CCNL2: variants seen among roughly 807,000 people sequenced by gnomAD.
CCNL2 encodes the protein cyclin-L2.
In CCNL2, 28 loss-of-function variants were observed where a neutral mutation model predicts 59.1. That is an observed-to-expected ratio of 0.47 (90% CI 0.35 to 0.65). The LOEUF (loss-of-function observed/expected upper bound fraction) is 0.65. CCNL2 is among the 30% of genes least tolerant of loss of function. The pLI is 0.00. For synonymous variants in CCNL2, 342 were observed against 288.6 expected, an observed-to-expected ratio of 1.19 and a Z score of -1.88; for missense variants, 714 against 717.4, an observed-to-expected ratio of 1.00 and a Z score of 0.05.
At chr1:1,388,578 T>G in intron 8 of CCNL2, 1 of 430,860 alleles carries the variant, frequency 2.3e-6, no homozygotes, top group African/African-American at 2.2e-5. Context: ...TCTCTCTCTC[T>G]CTCTCTATAT....
chr1:1,387,946 G>T lies in CCNL2; in HGVS notation c.1118+8C>A. 6.2e-7 allele frequency: 1 copy of T among 1,613,380 alleles called. No homozygotes were observed. On this transcript the variant is annotated splice_region_variant and intron_variant, in intron 9 of 10. Coordinates refer to ENST00000400809, the MANE Select transcript of CCNL2 (RefSeq NM_030937.6). The stretch of plus-strand genomic sequence containing the variant: ...CTGACAGCCACCTGGGCAGCCCTGG[G>T]GTCCTACCCGTTCACGGGGCTGTCC...
intron 3 of CCNL2, among the ~76,000 whole-genome samples, chr1:1,397,828 G>C (rs1013154424): frequency 6.6e-6 from 1 of 152,106 alleles, no homozygotes; most frequent in Non-Finnish European, 1.5e-5. Context: ...TCATACCACC[G>C]CACTCTGCCC....
rs771577073 is a variant in CCNL2 at position 1,387,596 on chromosome 1, C to G, written c.1212-14G>C. The G allele has an allele frequency of 3.4e-6, 5 of 1,473,936 alleles. No homozygotes were observed. Among genetic ancestry groups the G allele is most frequent in the South Asian group, 2.8e-5 (2 of 72,104 alleles). The allele number at this position is 1,473,936 out of a possible 1,614,324, so 91.3% of individuals were successfully genotyped here. On this transcript the variant is annotated splice_polypyrimidine_tract_variant and intron_variant, in intron 10 of 10. Coordinates refer to ENST00000400809, the MANE Select transcript of CCNL2 (RefSeq NM_030937.6). Reference sequence around the variant, plus strand: ...CTGTCACTTTTCCTGGGAGGAAGAACAGCACCACCACACGTGTGACCATCT... The same window carrying G: ...CTGTCACTTTTCCTGGGAGGAAGAAGAGCACCACCACACGTGTGACCATCT...
At position 1,387,293 on chromosome 1, in the gene CCNL2, A is replaced by T; in HGVS notation, c.1501T>A (p.Tyr501Asn). 3 of 1,613,260 alleles carry T rather than the reference A, an allele frequency of 1.9e-6. No individual in the cohort carries two copies. The highest frequency in any genetic ancestry group is 2.5e-6 in the Non-Finnish European group (3 of 1,180,016). The change falls in exon 11 of 11, where the codon TAT becomes AAT. Residue 501 changes from tyrosine (Y) to asparagine (N), a missense_variant. Tyr to Asn is a moderately radical substitution (Grantham distance 143). Around this residue, in one of 5 missense-constraint regions of CCNL2, gnomAD observed 403 missense variants for 377.7 expected, o/e 1.07. Coordinates refer to ENST00000400809, the MANE Select transcript of CCNL2 (RefSeq NM_030937.6). ...TCATAGCGACGGCCTGTGCGTTCAT[A>T]CGACCTCGAGCGCTCTCGTCGCTGA... is the stretch of plus-strand genomic sequence containing the variant. ...RDQRRERSRS[Y>N]ERTGRRYERD...
At position 1,390,802 on chromosome 1, in the gene CCNL2, G is replaced by A. The variant is rs770445491; in HGVS notation, c.723C>T (p.Ala241=). The change falls in exon 6 of 11, where the codon GCC becomes GCT. Residue 241 remains alanine, a synonymous_variant. Transcript: ENST00000400809. The part of the protein sequence containing the change: ...VFVRFQPESI[A]CACIYLAART... ...GGGCAGCAAGATAAATGCAGGCACAGGCGATGCTCTCTGGCTGGAACCGCA... is the reference window on the plus strand; with the variant it reads ...GGGCAGCAAGATAAATGCAGGCACAAGCGATGCTCTCTGGCTGGAACCGCA... The A allele has an allele frequency of 8.1e-6, 13 of 1,614,076 alleles. No homozygotes were observed. The South Asian group carries it at 1.4e-4, about 18-fold the overall frequency.
intron 5 of CCNL2, chr1:1,391,539 C>A: frequency 7.7e-7 from 1 of 1,305,134 alleles, no homozygotes; most frequent in Non-Finnish European, 1.0e-6. Flanking sequence ...TCGGGCTCAT[C>A]AGAGCCGCTG....
At position 1,393,507 on chromosome 1, in the gene CCNL2, C is replaced by G. The variant is rs372522482; in HGVS notation, c.595-47G>C. 78 of 1,529,346 alleles carry G rather than the reference C, an allele frequency of 5.1e-5. No individual in the cohort carries two copies. In the African/African-American group the frequency reaches 9.0e-4, roughly 18 times the overall value. The allele number at this position is 1,529,346 out of a possible 1,614,324, so 94.7% of individuals were successfully genotyped here. A position where few individuals can be genotyped will look rare whatever the true frequency, so the allele number is the denominator to read the frequency against. On this transcript the variant is annotated intron_variant, in intron 4 of 10. Coordinates refer to ENST00000400809, the MANE Select transcript of CCNL2 (RefSeq NM_030937.6). Reference sequence around the variant, plus strand: ...GTTATTACCAAGAACCTTAAGAGCCCAGAATTCAGATCTTGTGGGTGTCCA... The same window carrying G: ...GTTATTACCAAGAACCTTAAGAGCCGAGAATTCAGATCTTGTGGGTGTCCA...
chr1:1,388,644 G>A (rs898371449), intron 8 of CCNL2: 12 of 415,548 alleles, frequency 2.9e-5, no homozygotes, highest in African/African-American at 1.9e-4. Context: ...GGTGGTGGGC[G>A]CCTGCAATCC....
intron 5 of CCNL2, chr1:1,392,867 A>C: frequency 6.5e-7 from 1 of 1,538,722 alleles, no homozygotes; most frequent in South Asian, 1.1e-5. Flanking sequence ...ATGTCATAGC[A>C]CCAGACAATT....
At chr1:1,390,402 C>A in intron 7 of CCNL2, 31 bp from the exon 8 acceptor site, 3 of 1,611,388 alleles carry the variant, frequency 1.9e-6, no homozygotes, top group Non-Finnish European at 2.5e-6. Context: ...CCGTTCAGAA[C>A]CAGGTGTTTC....
At position 1,387,198 on chromosome 1, in the gene CCNL2, G is replaced by C. The variant is rs577309284; in HGVS notation, c.*33C>G. 3 of 1,562,050 alleles carry C rather than the reference G, an allele frequency of 1.9e-6. No homozygotes were observed. The highest frequency in any genetic ancestry group is 2.6e-6 in the Non-Finnish European group (3 of 1,151,400). On this transcript the variant is annotated 3_prime_UTR_variant, in exon 11 of 11. Coordinates refer to ENST00000400809, the MANE Select transcript of CCNL2 (RefSeq NM_030937.6). ...CAGCCATCAGGTACTCCCCAGGGAA[G>C]GGCTTGCGGCCACCAGTCACTGCAA...
chr1:1,389,915 C>T (rs111353973), intron 8 of CCNL2, among the ~76,000 whole-genome samples: 5 of 151,984 alleles, frequency 3.3e-5, no homozygotes, highest in Non-Finnish European at 5.9e-5. Flanking sequence ...GAGGAAATTG[C>T]GCCACTGCAC....
rs1349283487 is a variant in CCNL2, at chr1:1,386,585, GCA to G, written c.*644_*645del. 6.6e-6 allele frequency: 1 copy of G among 152,564 alleles called. No individual in the cohort carries two copies. Among genetic ancestry groups the G allele is most frequent in the East Asian group, 1.9e-4 (1 of 5,190 alleles). The allele number at this position is 152,564 out of a possible 1,614,324, so 9.5% of individuals were successfully genotyped here. On this transcript the variant is annotated 3_prime_UTR_variant, in exon 11 of 11. Transcript: ENST00000400809. Reference sequence around the variant, plus strand: ...GAGCTGGTGGCCTGCACTCAGCACCGCACAGATAAAAATATACGACTTTCAAC... The same window carrying G: ...GAGCTGGTGGCCTGCACTCAGCACCGCAGATAAAAATATACGACTTTCAAC...
intron 3 of CCNL2, among the ~76,000 whole-genome samples, chr1:1,397,174 A>G (rs1645081436): frequency 6.6e-6 from 1 of 152,210 alleles, no homozygotes; most frequent in South Asian, 2.1e-4. Flanking sequence ...GCCCGGCCAG[A>G]GGCTGTGTTT....
chr1:1,391,623 C>G (rs1644767577), intron 5 of CCNL2: 1 of 1,097,218 alleles, frequency 9.1e-7, no homozygotes, highest in Non-Finnish European at 1.2e-6. Flanking sequence ...TACTGAGAAG[C>G]AACATGATAC....
intron 3 of CCNL2, among the ~76,000 whole-genome samples, chr1:1,396,550 G>A (rs1265214427): frequency 6.9e-6 from 1 of 144,076 alleles, no homozygotes; most frequent in Non-Finnish European, 1.5e-5. Context: ...ATAGGCGTGA[G>A]CCACTGCGCT....
In CCNL2 at chr1:1,399,287, G is replaced by C; in HGVS notation, c.20C>G (p.Ala7Gly). 6.9e-7 allele frequency: 1 copy of C among 1,449,350 alleles called. No individual in the cohort carries two copies. Among genetic ancestry groups the C allele is most frequent in the Non-Finnish European group, 9.0e-7 (1 of 1,108,500 alleles). The allele number at this position is 1,449,350 out of a possible 1,614,324, so 89.8% of individuals were successfully genotyped here. ...AGCTGCCGACCCTGCAGCACCAGCC[G>C]CCGCCGCCGCCGCCGCCATTTTGTG... MAAAAA[A>G]AGAAGSAAPA... is the part of the protein sequence containing the mutation. The change falls in exon 1 of 11, where the codon GCG becomes GGG. Residue 7 changes from alanine to glycine, a missense_variant. Ala to Gly is a moderately conservative substitution (Grantham distance 60, BLOSUM62 0). Around this residue, in one of 5 missense-constraint regions of CCNL2, gnomAD observed 270 missense variants for 254.9 expected, o/e 1.06. Coordinates refer to ENST00000400809, the MANE Select transcript of CCNL2 (RefSeq NM_030937.6).
At chr1:1,397,304 T>G (rs1331096374) in intron 3 of CCNL2, among the ~76,000 whole-genome samples, 3 of 151,904 alleles carry the variant, frequency 2.0e-5, no homozygotes, top group African/African-American at 7.2e-5. Flanking sequence ...CAGACTTTCG[T>G]TTTTTTTGGA....
chr1:1,390,883 G>C lies in CCNL2; in HGVS notation c.660-18C>G. 1 of 1,608,078 alleles carries C rather than the reference G, an allele frequency of 6.2e-7. No individual in the cohort carries two copies. The highest frequency in any genetic ancestry group is 8.5e-7 in the Non-Finnish European group (1 of 1,174,574). ...TGTAATTCCTGGAAGCCAAACACAGGAAGAACTGCAATGCCCCACCCGGGA... is the reference window on the plus strand; with the variant it reads ...TGTAATTCCTGGAAGCCAAACACAGCAAGAACTGCAATGCCCCACCCGGGA... On this transcript the variant is annotated intron_variant, in intron 5 of 10. Coordinates refer to ENST00000400809, the MANE Select transcript of CCNL2 (RefSeq NM_030937.6).
Sources: gnomAD v4.1 joint callset for allele counts (sites outside exome capture counted in the v4.1 genomes callset) on GRCh38, gnomAD v4.1.1 for gene constraint, gnomAD v4.1.1 regional missense constraint, MANE v1.5 for transcripts, NCBI Gene and HGNC (gene_info 2026-07-23, HGNC 2026-07-21) for gene names.